TMEM163: variants seen among roughly 807,000 people sequenced by gnomAD.
TMEM163 encodes transmembrane protein 163.
Under a neutral mutation model 29.3 loss-of-function variants are expected in TMEM163, and 17 were observed. The ratio of observed to expected loss-of-function variants is 0.58; its 90% CI spans 0.40 to 0.87. TMEM163 has a LOEUF of 0.87. TMEM163 is among the 40% of genes least tolerant of loss of function. The pLI is 0.00. For missense variants in TMEM163, 303 were observed against 381.5 expected (o/e 0.79, Z 1.71); for synonymous variants, 157 against 160.6 (o/e 0.98, Z 0.17).
At chr2:134,666,874 C>G (rs1321239443) in intron 2 of TMEM163, among the ~76,000 whole-genome samples, 2 of 152,172 alleles carry the variant, frequency 1.3e-5, no homozygotes, top group Non-Finnish European at 2.9e-5. Flanking sequence ...AAACTGTCAC[C>G]AGAAGTTGCA....
chr2:134,542,929 T>A (rs1011213019), intron 4 of TMEM163, among the ~76,000 whole-genome samples: 18 of 152,216 alleles, frequency 1.2e-4, no homozygotes, highest in African/African-American at 3.9e-4. Context: ...CTACTCCCCA[T>A]GTCTGATTGT....
intron 4 of TMEM163, among the ~76,000 whole-genome samples, chr2:134,522,121 G>C (rs953504366): frequency 1.3e-5 from 2 of 151,872 alleles, no homozygotes; most frequent in Non-Finnish European, 2.9e-5. Context: ...TCTAGCGGGG[G>C]TGGGCTTAGA....
intron 2 of TMEM163, among the ~76,000 whole-genome samples, chr2:134,614,764 G>A (rs1479822032): frequency 6.6e-6 from 1 of 151,906 alleles, no homozygotes; most frequent in Admixed American, 6.6e-5. Flanking sequence ...TGAGGAAGGA[G>A]AATCACTTGA....
At chr2:134,592,198 AG>A (rs1347798605) in intron 2 of TMEM163, among the ~76,000 whole-genome samples, 7 of 152,198 alleles carry the variant, frequency 4.6e-5, no homozygotes, top group Admixed American at 2.0e-4. Flanking sequence ...GTGGAAGCCA[AG>A]GTTCTTGTTA....
intron 2 of TMEM163, among the ~76,000 whole-genome samples, chr2:134,676,946 GA>G (rs1684128761): frequency 1.3e-5 from 2 of 151,942 alleles, no homozygotes; most frequent in African/African-American, 4.8e-5. Flanking sequence ...AATAGGGCAG[GA>G]AAAAAATACA....
intron 4 of TMEM163, among the ~76,000 whole-genome samples, chr2:134,536,075 C>G (rs558215364): frequency 6.6e-6 from 1 of 152,016 alleles, no homozygotes; most frequent in Non-Finnish European, 1.5e-5. Flanking sequence ...GGAGGGCGCA[C>G]GCGTATATAC....
chr2:134,518,674 T>C (rs1233153573), intron 4 of TMEM163, among the ~76,000 whole-genome samples: 1 of 152,166 alleles, frequency 6.6e-6, no homozygotes, highest in African/African-American at 2.4e-5. Flanking sequence ...TTCAGCACGG[T>C]ATAGACTTCT....
chr2:134,636,381 T>G (rs1683105152), intron 2 of TMEM163, among the ~76,000 whole-genome samples: 1 of 152,258 alleles, frequency 6.6e-6, no homozygotes, highest in Non-Finnish European at 1.5e-5. Flanking sequence ...AGGGAAAACG[T>G]AAACATGTAC....
At chr2:134,500,810 C>T (rs1394041719) in intron 5 of TMEM163, among the ~76,000 whole-genome samples, 1 of 151,868 alleles carries the variant, frequency 6.6e-6, no homozygotes, top group Admixed American at 6.6e-5. Context: ...ACAGAGGATT[C>T]CAGAGACTGG....
In TMEM163 at chr2:134,550,563, T is replaced by C. The variant is rs1207695817; in HGVS notation, c.458+7A>G. 1 of 1,613,628 alleles carries C rather than the reference T, an allele frequency of 6.2e-7. No homozygotes were observed. Among genetic ancestry groups the C allele is most frequent in the African/African-American group, 1.3e-5 (1 of 74,904 alleles). On this transcript the variant is annotated splice_region_variant and intron_variant, in intron 4 of 7. Transcript: ENST00000281924. ...TTCAGCCTGGAGAAAGACAAGAATCTACTTACATGTACTCCCTATGGGCAG... is the reference window on the plus strand; with the variant it reads ...TTCAGCCTGGAGAAAGACAAGAATCCACTTACATGTACTCCCTATGGGCAG...
rs1336301016 is a variant in TMEM163 at position 134,491,296 on chromosome 2, C to A, written c.555+11605G>T. 2.6e-5 allele frequency among the ~76,000 whole-genome samples: 4 copies of A among 152,174 alleles called. No individual in the cohort carries two copies. The East Asian group carries it at 7.7e-4, about 29-fold the overall frequency. Reference sequence around the variant, plus strand: ...CGTGTCTCCCTCACCTCGCTCTCTTCTCTATTTTTCTTTCCCTAACCCAGC... The same window carrying A: ...CGTGTCTCCCTCACCTCGCTCTCTTATCTATTTTTCTTTCCCTAACCCAGC... On this transcript the variant is annotated intron_variant, in intron 5 of 7. Transcript: ENST00000281924.
intron 2 of TMEM163, among the ~76,000 whole-genome samples, chr2:134,554,331 C>T (rs572123103): frequency 6.9e-5 from 10 of 145,552 alleles, no homozygotes; most frequent in Non-Finnish European, 1.5e-4. Flanking sequence ...CAGGCTGAGG[C>T]AGGAGAATCA....
At chr2:134,679,386 T>C (rs979772154) in intron 2 of TMEM163, among the ~76,000 whole-genome samples, 1 of 152,198 alleles carries the variant, frequency 6.6e-6, no homozygotes, top group Non-Finnish European at 1.5e-5. Context: ...TCAGGAAAGA[T>C]TTCCTTCCAT....
At chr2:134,507,629 G>A (rs1378328629) in intron 4 of TMEM163, among the ~76,000 whole-genome samples, 1 of 152,092 alleles carries the variant, frequency 6.6e-6, no homozygotes, top group African/African-American at 2.4e-5. Flanking sequence ...ACTTTCAGAG[G>A]CCCAGGCAGA....
Position 134,456,096 on chromosome 2 carries a change from G to GCA in TMEM163, c.*619_*620insTG, listed in dbSNP as rs1686381069. On this transcript the variant is annotated 3_prime_UTR_variant, in exon 8 of 8. Transcript: ENST00000281924. ...TCTGAATGTACAAGAAAAGGTCAAT[G>GCA]TGCTTATTTAATTCGTCCATGCAAA... 1 of 152,694 alleles carries GCA rather than the reference G, an allele frequency of 6.5e-6. No homozygotes were observed. The highest frequency in any genetic ancestry group is 1.5e-5 in the Non-Finnish European group (1 of 68,100). 9.5% of individuals were successfully genotyped at this position (152,694 alleles called of 1,614,324 possible).
At position 134,718,860 on chromosome 2, in the gene TMEM163, G is replaced by A; in HGVS notation, c.76C>T (p.Pro26Ser). The A allele has an allele frequency of 9.0e-7, 1 of 1,113,834 alleles. No individual in the cohort carries two copies. The highest frequency in any genetic ancestry group is 1.1e-6 in the Non-Finnish European group (1 of 913,412). The allele number at this position is 1,113,834 out of a possible 1,614,324, so 69.0% of individuals were successfully genotyped here. Residue 26 changes from proline to serine, a missense_variant, in exon 1 of 8, where the codon CCA (proline) becomes TCA (serine). Around this residue, in one of 2 missense-constraint regions of TMEM163, gnomAD observed 100 missense variants for 87.2 expected, o/e 1.15. Coordinates refer to ENST00000281924, the MANE Select transcript of TMEM163 (RefSeq NM_030923.5). The stretch of plus-strand genomic sequence containing the variant: ...GCCGGGCCGGGGGCGGCAGCCGGTG[G>A]CGCGTGGCCCCGGGGCGGCGGCGGG... ...TVPPPPRGHA[P>S]PAAAPGPAPL...
intron 2 of TMEM163, among the ~76,000 whole-genome samples, chr2:134,586,192 AATC>A (rs1289749855): frequency 6.6e-6 from 1 of 152,208 alleles, no homozygotes; most frequent in African/African-American, 2.4e-5. Flanking sequence ...GTGATTCCTT[AATC>A]TCAGGCCAAG....
chr2:134,698,167 A>G (rs914626206), intron 2 of TMEM163, among the ~76,000 whole-genome samples: 1 of 152,222 alleles, frequency 6.6e-6, no homozygotes, highest in Admixed American at 6.5e-5. Flanking sequence ...AGATACCAGT[A>G]GCACCTCCAT....
At chr2:134,458,562 C>CAA (rs1480532403) in intron 6 of TMEM163, 6 of 188,320 alleles carry the variant, frequency 3.2e-5, no homozygotes, top group Non-Finnish European at 5.6e-5. Flanking sequence ...CTTGGGGACT[C>CAA]ATATCTGAGT....
Sources: gnomAD v4.1 joint callset for allele counts (sites outside exome capture counted in the v4.1 genomes callset) on GRCh38, gnomAD v4.1.1 for gene constraint, gnomAD v4.1.1 regional missense constraint, MANE v1.5 for transcripts, NCBI Gene and HGNC (gene_info 2026-07-23, HGNC 2026-07-21) for gene names.